LZTS1: variants seen among roughly 807,000 people sequenced by gnomAD.
LZTS1 encodes the protein leucine zipper putative tumor suppressor 1.
A neutral mutation model predicts 45.8 loss-of-function variants in LZTS1; 31 were observed. The ratio of observed to expected loss-of-function variants is 0.68; its 90% confidence interval spans 0.51 to 0.91. The LOEUF is 0.91. Among genes scored for constraint, LZTS1 ranks in the 40% least tolerant of loss-of-function variants. The pLI, the probability that LZTS1 is intolerant of heterozygous loss-of-function variation, is 0.00. For synonymous variants in LZTS1, 359 were observed against 357.3 expected (o/e 1.00, Z -0.05); for missense variants, 821 against 788.9 (o/e 1.04, Z -0.49).
intron 1 of LZTS1, among the ~76,000 whole-genome samples, chr8:20,257,125 A>C (rs1473391268): frequency 4.6e-5 from 7 of 152,158 alleles, no homozygotes; most frequent in Non-Finnish European, 1.0e-4. Flanking sequence ...CAAGGTGGGC[A>C]GATCACTTGA....
At chr8:20,273,769 G>A (rs946970575) in intron 1 of LZTS1, among the ~76,000 whole-genome samples, 4 of 87,338 alleles carry the variant, frequency 4.6e-5, no homozygotes, top group African/African-American at 1.5e-4. Flanking sequence ...TAATAGACCT[G>A]TTATATTTGT....
intron 1 of LZTS1, among the ~76,000 whole-genome samples, chr8:20,261,986 T>G (rs1425701496): frequency 1.3e-5 from 2 of 151,884 alleles, no homozygotes; most frequent in Non-Finnish European, 2.9e-5. Context: ...CCACACCTCC[T>G]CCCCTAAGCT....
chr8:20,256,446 G>T (rs1800105570), intron 1 of LZTS1, among the ~76,000 whole-genome samples: 1 of 152,002 alleles, frequency 6.6e-6, no homozygotes, highest in Non-Finnish European at 1.5e-5. Context: ...TGAGGAGACG[G>T]GGGATAGAAG....
chr8:20,303,666 G>A (rs1159429504), intron 1 of LZTS1, 74 bp downstream of exon 1: 3 of 982,802 alleles, frequency 3.1e-6, no homozygotes, highest in African/African-American at 1.7e-5. Context: ...GGCCCGGCGA[G>A]GGGAAAGCGG....
chr8:20,294,412 T>C (rs1800948382), intron 1 of LZTS1, among the ~76,000 whole-genome samples: 2 of 152,166 alleles, frequency 1.3e-5, no homozygotes, highest in South Asian at 4.1e-4. Flanking sequence ...GCTGCGGGCC[T>C]GGCAAGGGGA....
At chr8:20,303,465 C>T (rs1385331263) in intron 1 of LZTS1, among the ~76,000 whole-genome samples, 1 of 152,210 alleles carries the variant, frequency 6.6e-6, no homozygotes, top group African/African-American at 2.4e-5. Context: ...AGACGAACCC[C>T]GTCTGCAGGA....
At chr8:20,290,947 T>C (rs549300272) in intron 1 of LZTS1, among the ~76,000 whole-genome samples, 7 of 152,246 alleles carry the variant, frequency 4.6e-5, no homozygotes, top group African/African-American at 1.4e-4. Flanking sequence ...GTGGGGTCCT[T>C]CCCGAGGGAG....
intron 1 of LZTS1, among the ~76,000 whole-genome samples, chr8:20,296,384 C>T (rs568074590): frequency 6.6e-6 from 1 of 152,354 alleles, no homozygotes; most frequent in Admixed American, 6.5e-5. Context: ...CCCTCTTAGG[C>T]TGAAAGTCTC....
chr8:20,280,746 C>T (rs780540749), intron 1 of LZTS1, among the ~76,000 whole-genome samples: 2 of 152,190 alleles, frequency 1.3e-5, no homozygotes, highest in African/African-American at 4.8e-5. Flanking sequence ...AGCGACATCA[C>T]TCCGGACAGA....
chr8:20,298,623 G>A (rs920285299), intron 1 of LZTS1, among the ~76,000 whole-genome samples: 1 of 152,180 alleles, frequency 6.6e-6, no homozygotes, highest in East Asian at 1.9e-4. Context: ...AACACTCTGG[G>A]AAGCCAAAGT....
chr8:20,267,348 G>C (rs1435712654), intron 1 of LZTS1, among the ~76,000 whole-genome samples: 1 of 152,028 alleles, frequency 6.6e-6, no homozygotes, highest in African/African-American at 2.4e-5. Flanking sequence ...GTAGGAGGGC[G>C]GTGCTGCAGT....
intron 1 of LZTS1, among the ~76,000 whole-genome samples, chr8:20,256,760 C>G (rs1800113071): frequency 6.6e-6 from 1 of 152,114 alleles, no homozygotes; most frequent in Non-Finnish European, 1.5e-5. Flanking sequence ...TTTGCAAAGC[C>G]TATTTGGCAT....
chr8:20,250,102 G>A lies in LZTS1; in HGVS notation c.1411C>T (p.Leu471=). The change falls in exon 4 of 4, where the codon CTG becomes TTG. Residue 471 remains leucine, a synonymous_variant. Coordinates refer to ENST00000381569, the MANE Select transcript of LZTS1 (RefSeq NM_021020.5). Reference sequence around the variant, plus strand: ...CGCAGCTCCTGCAGCTCCTGCTCCAGCAGGTTCACCTTCTCCCGCAGCAGC... The same window carrying A: ...CGCAGCTCCTGCAGCTCCTGCTCCAACAGGTTCACCTTCTCCCGCAGCAGC... ...AELLREKVNL[L]EQELQELRAQ... 6.2e-7 allele frequency: 1 copy of A among 1,607,228 alleles called. No homozygotes were observed. Among genetic ancestry groups the A allele is most frequent in the Non-Finnish European group, 8.5e-7 (1 of 1,179,360 alleles).
At chr8:20,271,954 G>A (rs1542827) in intron 1 of LZTS1, among the ~76,000 whole-genome samples, 115,599 of 152,112 alleles carry the variant, frequency 0.76, 44,252 homozygotes, top group East Asian at 0.96. Flanking sequence ...TGTCAGCACA[G>A]GCTTTGACAG....
At chr8:20,302,778 C>A (rs2128900531) in intron 1 of LZTS1, among the ~76,000 whole-genome samples, 1 of 152,326 alleles carries the variant, frequency 6.6e-6, no homozygotes, top group South Asian at 2.1e-4. Flanking sequence ...GATCCCTAAG[C>A]ACTTCTTATT....
chr8:20,293,977 A>G (rs1432907575), intron 1 of LZTS1, among the ~76,000 whole-genome samples: 1 of 152,148 alleles, frequency 6.6e-6, no homozygotes, highest in Non-Finnish European at 1.5e-5. Context: ...AAGAAAATGG[A>G]AAGAACTGGG....
At position 20,253,042 on chromosome 8, in the gene LZTS1, C is replaced by T. The variant is rs1799981556; in HGVS notation, c.889G>A (p.Glu297Lys). 6.2e-7 allele frequency: 1 copy of T among 1,604,284 alleles called. No individual in the cohort carries two copies. Among genetic ancestry groups the T allele is most frequent in the Non-Finnish European group, 8.5e-7 (1 of 1,176,990 alleles). ...KELASSLAYE[E>K]RPRRCRDELE... is the part of the protein sequence containing the mutation. ...TCGTCCCTGCAGCGCCGCGGCCGCT[C>T]CTCGTAGGCCAGGCTGGAGGCAAGC... is the stretch of plus-strand genomic sequence containing the variant. The change falls in exon 3 of 4, where the codon GAG becomes AAG. Residue 297 changes from glutamate (E) to lysine (K), a missense_variant. Coordinates refer to ENST00000381569, the MANE Select transcript of LZTS1 (RefSeq NM_021020.5).
intron 1 of LZTS1, among the ~76,000 whole-genome samples, chr8:20,294,838 A>T (rs1284043865): frequency 6.6e-6 from 1 of 151,898 alleles, no homozygotes; most frequent in Non-Finnish European, 1.5e-5. Flanking sequence ...CCACACAGGT[A>T]CCTACAGACA....
chr8:20,288,299 C>T (rs144662365), intron 1 of LZTS1, among the ~76,000 whole-genome samples: 78 of 152,290 alleles, frequency 5.1e-4, no homozygotes, highest in African/African-American at 1.8e-3. Flanking sequence ...CAGCATCCCA[C>T]GTCTCAGGAA....
Sources: gnomAD v4.1 joint callset for allele counts (sites outside exome capture counted in the v4.1 genomes callset) on GRCh38, gnomAD v4.1.1 for gene constraint, MANE v1.5 for transcripts, NCBI Gene and HGNC (gene_info 2026-07-23, HGNC 2026-07-21) for gene names.